WDPCP: variants seen among roughly 807,000 people sequenced by gnomAD.
WDPCP encodes WD repeat containing planar cell polarity effector.
A neutral mutation model predicts 93.1 loss-of-function variants in WDPCP; 71 were observed. The ratio of observed to expected loss-of-function variants is 0.76; its 90% confidence interval spans 0.63 to 0.93. The LOEUF is 0.93. Among genes scored for constraint, WDPCP ranks in the 40% least tolerant of loss-of-function variants. The pLI is 0.00. For synonymous variants in WDPCP, 315 were observed against 315.0 expected (o/e 1.00, Z 0.00); for missense variants, 844 against 887.4 (o/e 0.95, Z 0.62).
chr2:63,492,912 G>A lies in WDPCP; in HGVS notation c.104C>T (p.Ser35Phe). 1 of 1,613,546 alleles carries A rather than the reference G, an allele frequency of 6.2e-7. No homozygotes were observed. Among genetic ancestry groups the A allele is most frequent in the South Asian group, 1.1e-5 (1 of 91,066 alleles). Residue 35 changes from serine to phenylalanine, a missense_variant, in exon 2 of 18, where the codon TCT becomes TTT. Coordinates refer to ENST00000272321, the MANE Select transcript of WDPCP (RefSeq NM_015910.7). The part of the protein sequence containing the change: ...QDRDSFCHQM[S>F]FCLTELHLWS... ...CAGGTGCAGTTCAGTCAAGCAGAAA[G>A]ACATCTGATGGCAGAAGGAATCTCT... is the stretch of plus-strand genomic sequence containing the variant.
chr2:63,780,935 C>T (rs1218750980), intron 2 of WDPCP, among the ~76,000 whole-genome samples: 1 of 152,044 alleles, frequency 6.6e-6, no homozygotes, highest in African/African-American at 2.4e-5. Flanking sequence ...ACCTGAAAAC[C>T]GGGCCAAGTA....
intron 2 of WDPCP, among the ~76,000 whole-genome samples, chr2:63,808,616 T>G (rs868000393): frequency 6.6e-6 from 1 of 152,230 alleles, no homozygotes; most frequent in African/African-American, 2.4e-5. Flanking sequence ...GGTGCCGGGA[T>G]TGCAGACGGA....
intron 1 of WDPCP, among the ~76,000 whole-genome samples, chr2:63,505,686 AAAT>A (rs1701826419): frequency 2.0e-5 from 3 of 152,102 alleles, no homozygotes; most frequent in African/African-American, 7.2e-5. Flanking sequence ...AATATCCTTA[AAAT>A]AATGAGTCTG....
rs55807956 is a variant in WDPCP, at chr2:63,405,532, AGTGTGTGTGTGTGTGTGTGTGT to A, written c.826-897_826-876del. On this transcript the variant is annotated intron_variant, in intron 9 of 17. Coordinates refer to ENST00000272321, the MANE Select transcript of WDPCP (RefSeq NM_015910.7). ...GCTAAGTATATGCAGATTTTGGTAT[AGTGTGTGTGTGTGTGTGTGTGT>A]GTGTGTGTGTGTGTGTGTGTGTGTG... 8.8e-5 allele frequency among the ~76,000 whole-genome samples: 11 copies of A among 125,008 alleles called. No individual in the cohort carries two copies. The South Asian group carries it at 8.9e-4, about 10-fold the overall frequency. 82.0% of individuals were successfully genotyped at this position (125,008 alleles called of 152,430 possible).
At chr2:63,779,864 TC>T (rs1318792161) in intron 2 of WDPCP, among the ~76,000 whole-genome samples, 1 of 152,226 alleles carries the variant, frequency 6.6e-6, no homozygotes, top group Non-Finnish European at 1.5e-5. Flanking sequence ...TAAAGCTTAA[TC>T]TAGTTTTGTG....
chr2:63,530,482 T>C (rs563038391), intron 1 of WDPCP, among the ~76,000 whole-genome samples: 1 of 152,080 alleles, frequency 6.6e-6, no homozygotes, highest in African/African-American at 2.4e-5. Flanking sequence ...CTTGGGTTTC[T>C]TAAGCTTGGA....
At chr2:63,687,545 AAAG>A (rs1217652579) in intron 2 of WDPCP, among the ~76,000 whole-genome samples, 1 of 152,224 alleles carries the variant, frequency 6.6e-6, no homozygotes, top group East Asian at 1.9e-4. Context: ...ACGTTTCTCA[AAAG>A]AAGACATACA....
intron 15 of WDPCP, among the ~76,000 whole-genome samples, chr2:63,165,745 G>A (rs1002480256): frequency 1.3e-5 from 2 of 150,996 alleles, no homozygotes; most frequent in East Asian, 3.9e-4. Flanking sequence ...AGAAATTTGC[G>A]AAGTAGTCTC....
intron 2 of WDPCP, among the ~76,000 whole-genome samples, chr2:63,804,481 T>G (rs1575777543): frequency 6.6e-6 from 1 of 151,584 alleles, no homozygotes; most frequent in East Asian, 2.0e-4. Flanking sequence ...GGTCTGGATC[T>G]CCTGACCTCG....
chr2:63,797,752 A>G (rs978802404), intron 2 of WDPCP, among the ~76,000 whole-genome samples: 16 of 152,158 alleles, frequency 1.1e-4, no homozygotes, highest in Admixed American at 5.9e-4. Flanking sequence ...AGGTAGGAAT[A>G]GAAGGTTTAC....
At chr2:63,751,049 T>C (rs898887334) in intron 2 of WDPCP, among the ~76,000 whole-genome samples, 1 of 152,172 alleles carries the variant, frequency 6.6e-6, no homozygotes, top group African/African-American at 2.4e-5. Context: ...AAGATTAGTG[T>C]TATTTCTTCA....
Position 63,169,813 on chromosome 2 carries a change from T to C in WDPCP, c.2078+4857A>G, listed in dbSNP as rs138993324. Among the ~76,000 whole-genome samples the C allele has an allele frequency of 4.9e-3, 750 of 152,210 alleles. 3 individuals carry two copies. The highest frequency in any genetic ancestry group is 4.2e-3 in the Non-Finnish European group (286 of 68,018). On this transcript the variant is annotated intron_variant, in intron 15 of 17. Transcript: ENST00000272321. ...TTTTTAATTAAGTTTTATTATGAGT[T>C]TATTCTCATTTGGGTACCCTGTAAC...
chr2:63,556,362 C>T (rs4270328), intron 1 of WDPCP, among the ~76,000 whole-genome samples: 1 of 152,130 alleles, frequency 6.6e-6, no homozygotes, highest in Non-Finnish European at 1.5e-5. Context: ...AAAGTCCGAA[C>T]CTGCGATTGA....
Position 63,657,227 on chromosome 2 carries a change from C to T in WDPCP, n.309-6389G>A, listed in dbSNP as rs182960818. 2.7e-4 allele frequency among the ~76,000 whole-genome samples: 30 copies of T among 110,558 alleles called. No individual in the cohort carries two copies. The East Asian group carries it at 5.8e-3, about 21-fold the overall frequency. The allele number at this position is 110,558 out of a possible 152,430, so 72.5% of individuals were successfully genotyped here. On this transcript the variant is annotated intron_variant and non_coding_transcript_variant, in intron 2 of 4. Coordinates refer to the WDPCP transcript ENST00000467687. The stretch of plus-strand genomic sequence containing the variant: ...GATGTTTTTTTTTTTTTTTTTGCGA[C>T]GGAGTCTCGCTCTGTCACCCAGGCT...
intron 2 of WDPCP, among the ~76,000 whole-genome samples, chr2:63,711,271 G>A (rs543062454): frequency 6.6e-6 from 1 of 152,266 alleles, no homozygotes; most frequent in East Asian, 1.9e-4. Flanking sequence ...GGAAGCATGG[G>A]AGAGCTCTGT....
intron 1 of WDPCP, among the ~76,000 whole-genome samples, chr2:63,568,888 C>A (rs1357770408): frequency 1.3e-5 from 2 of 152,222 alleles, no homozygotes; most frequent in Non-Finnish European, 2.9e-5. Context: ...ACATAAAGTA[C>A]ACTGATTTCT....
intron 2 of WDPCP, among the ~76,000 whole-genome samples, chr2:63,804,251 CTT>C (rs548734461): frequency 3.1e-4 from 43 of 139,722 alleles, no homozygotes; most frequent in Admixed American, 3.6e-4. Flanking sequence ...CCAGATACTC[CTT>C]TTTTTTTTTT....
At chr2:63,222,857 T>G (rs1451521322) in intron 14 of WDPCP, among the ~76,000 whole-genome samples, 1 of 152,166 alleles carries the variant, frequency 6.6e-6, no homozygotes, top group Non-Finnish European at 1.5e-5. Flanking sequence ...TTGTCATTAA[T>G]AATATGTGTA....
chr2:63,173,278 A>G (rs75227404), intron 15 of WDPCP, among the ~76,000 whole-genome samples: 2 of 151,938 alleles, frequency 1.3e-5, no homozygotes, highest in South Asian at 2.1e-4. Context: ...CAAAAAAAAA[A>G]AAAAAAAGAA....
Sources: gnomAD v4.1 joint callset for allele counts (sites outside exome capture counted in the v4.1 genomes callset) on GRCh38, gnomAD v4.1.1 for gene constraint, MANE v1.5 for transcripts, NCBI Gene and HGNC (gene_info 2026-07-23, HGNC 2026-07-21) for gene names.